Variants in TENM1 observed in about 807,000 individuals in gnomAD.
TENM1 encodes teneurin-1.
In TENM1, 35 loss-of-function variants were observed where a neutral mutation model predicts 174.8. The ratio of observed to expected loss-of-function variants is 0.20; its 90% CI spans 0.15 to 0.27. The LOEUF (loss-of-function observed/expected upper bound fraction) is 0.27, where lower values mean the gene tolerates loss of function less well. TENM1 is among the 10% of genes least tolerant of loss of function. The pLI is 1.00. For synonymous variants in TENM1, 781 were observed against 798.7 expected (o/e 0.98, Z 0.37); for missense variants, 1,633 against 2,130.1 (o/e 0.77, Z 4.59).
At chrX:124,619,642 C>T (rs1228136171) in intron 11 of TENM1, among the ~76,000 whole-genome samples, 1 of 111,667 alleles carries the variant, frequency 9.0e-6, no homozygotes, top group African/African-American at 3.3e-5. Flanking sequence ...AAATATTGTA[C>T]CAATTTATAT....
chrX:124,509,158 T>C (rs1053846922), intron 18 of TENM1, among the ~76,000 whole-genome samples: 2 of 111,085 alleles, frequency 1.8e-5, no homozygotes, highest in African/African-American at 6.6e-5. Flanking sequence ...CTGAGCATTA[T>C]GAGAGAGTGT....
chrX:125,121,588 T>G, the TENM1 span, among the ~76,000 whole-genome samples: 2 of 112,009 alleles, frequency 1.8e-5, no homozygotes, highest in Admixed American at 1.9e-4. Flanking sequence ...GGATGGGGTA[T>G]GAGAAAATTT....
chrX:125,090,419 G>A, the TENM1 span, among the ~76,000 whole-genome samples: 5 of 110,050 alleles, frequency 4.5e-5, no homozygotes, highest in Non-Finnish European at 7.6e-5. Flanking sequence ...GCTGAGACAC[G>A]TGCATCGCTT....
At chrX:124,756,455 G>A (rs1292514414) in intron 3 of TENM1, among the ~76,000 whole-genome samples, 33 of 101,545 alleles carry the variant, frequency 3.2e-4, no homozygotes, top group African/African-American at 6.9e-4. Context: ...GTAGCTCGGA[G>A]TAGTTTGATC....
intron 11 of TENM1, among the ~76,000 whole-genome samples, chrX:124,622,891 A>G (rs142531165): frequency 0.02 from 2,237 of 111,661 alleles, 49 homozygotes; most frequent in African/African-American, 0.069. Flanking sequence ...GATGTTCTGT[A>G]TTTCAAGACA....
chrX:124,627,650 G>A (rs184976198), intron 11 of TENM1, among the ~76,000 whole-genome samples: 153 of 111,673 alleles, frequency 1.4e-3, no homozygotes, highest in Non-Finnish European at 2.6e-3. Flanking sequence ...AAGCATCAGA[G>A]GAAGACTTCA....
At chrX:124,464,209 T>C (rs1045795542) in intron 22 of TENM1, among the ~76,000 whole-genome samples, 4 of 111,563 alleles carry the variant, frequency 3.6e-5, no homozygotes, top group Non-Finnish European at 7.5e-5. Flanking sequence ...GAAGGAAAGT[T>C]CGTTTATTGC....
rs755842077 is a variant in TENM1 at position 124,629,049 on chromosome X, G to C, written c.2077+12742C>G. On this transcript the variant is annotated intron_variant, in intron 11 of 31. Transcript: ENST00000422452. ...CTTTCTTTCTGAAGTCACCATACAA[G>C]CCCTGGACTGCCTGCCTCTAGATTT... Among the ~76,000 whole-genome samples, 3 of 111,733 alleles carry C rather than the reference G, an allele frequency of 2.7e-5. No homozygotes were observed. The Admixed American group carries it at 2.8e-4, about 11-fold the overall frequency.
At chrX:124,977,981 A>T in the TENM1 span, among the ~76,000 whole-genome samples, 6,571 of 60,292 alleles carry the variant, frequency 0.11, 398 homozygotes, top group Non-Finnish European at 0.14. Context: ...AGAGAGAGAG[A>T]GAGAGAGAGA....
At chrX:124,801,664 C>T (rs942401004) in intron 3 of TENM1, among the ~76,000 whole-genome samples, 2 of 111,574 alleles carry the variant, frequency 1.8e-5, no homozygotes, top group Admixed American at 1.9e-4. Flanking sequence ...CTAGTTGATG[C>T]AGTTTCTTCA....
intron 4 of TENM1, among the ~76,000 whole-genome samples, chrX:124,733,915 G>C (rs2053615737): frequency 9.0e-6 from 1 of 111,520 alleles, no homozygotes; most frequent in South Asian, 3.7e-4. Flanking sequence ...CTCTCTCCCA[G>C]ATTTTCTGTT....
At chrX:124,640,361 C>T (rs941897121) in intron 11 of TENM1, among the ~76,000 whole-genome samples, 12 of 111,286 alleles carry the variant, frequency 1.1e-4, no homozygotes, top group East Asian at 2.8e-4. Context: ...TCTTTCCTTA[C>T]GGTGTAGGAT....
intron 20 of TENM1, among the ~76,000 whole-genome samples, chrX:124,488,306 A>G (rs918775882): frequency 8.9e-6 from 1 of 112,657 alleles, no homozygotes; most frequent in African/African-American, 3.2e-5. Flanking sequence ...TTTTGAAAAC[A>G]TAGAGATAAC....
At chrX:124,730,571 T>G (rs750049953) in intron 4 of TENM1, among the ~76,000 whole-genome samples, 3 of 111,447 alleles carry the variant, frequency 2.7e-5, no homozygotes, top group Admixed American at 9.5e-5. Flanking sequence ...AGACAACGGA[T>G]GCTGATTTTC....
chrX:125,048,370 C>G, the TENM1 span, among the ~76,000 whole-genome samples: 8 of 105,213 alleles, frequency 7.6e-5, no homozygotes, highest in Non-Finnish European at 1.5e-4. Flanking sequence ...AAGTGATTTT[C>G]CCTACCTCAG....
chrX:124,794,868 G>A (rs1172312252), intron 3 of TENM1, among the ~76,000 whole-genome samples: 1 of 111,001 alleles, frequency 9.0e-6, no homozygotes, highest in Admixed American at 9.6e-5. Flanking sequence ...CTTAGATGGG[G>A]TCATCTTCTT....
rs138955777 is a variant in TENM1 at position 124,960,463 on chromosome X, G to C, written c.217+3074C>G. On this transcript the variant is annotated intron_variant, in intron 1 of 31. Transcript: ENST00000422452. Reference sequence around the variant, plus strand: ...CTGCACTATAAGTTTCCTGCAAGCAGTCATCTCCATCCTCAGCATTGGCTT... The same window carrying C: ...CTGCACTATAAGTTTCCTGCAAGCACTCATCTCCATCCTCAGCATTGGCTT... Among the ~76,000 whole-genome samples the C allele has an allele frequency of 6.4e-3, 719 of 112,100 alleles. 4 individuals are homozygous for C. The highest frequency in any genetic ancestry group is 0.021 in the African/African-American group (655 of 30,873).
chrX:124,705,420 G>A (rs1309195434), intron 4 of TENM1, among the ~76,000 whole-genome samples, 169 bp from the exon 8 acceptor site: 1 of 111,768 alleles, frequency 8.9e-6, no homozygotes. Flanking sequence ...TGCCCTTGTT[G>A]TTCTCTCTCT....
the TENM1 span, among the ~76,000 whole-genome samples, chrX:125,147,153 CAT>C: frequency 1.3e-4 from 12 of 95,972 alleles, no homozygotes; most frequent in East Asian, 5.8e-4. Context: ...ATATATATCA[CAT>C]ATATGTGTGT....
Sources: gnomAD v4.1 joint callset for allele counts (sites outside exome capture counted in the v4.1 genomes callset) on GRCh38, gnomAD v4.1.1 for gene constraint, MANE v1.5 for transcripts, NCBI Gene and HGNC (gene_info 2026-07-23, HGNC 2026-07-21) for gene names.